Variants in PLAAT1 observed in about 807,000 individuals in gnomAD.
PLAAT1 encodes phospholipase A and acyltransferase 1, also known as H-REV107 protein-related protein.
PLAAT1 carries 13 observed loss-of-function variants against 16.4 expected under a neutral mutation model. The ratio of observed to expected loss-of-function variants is 0.79; its 90% CI spans 0.52 to 1.26. The LOEUF is 1.26. PLAAT1 is among the 50% of genes most tolerant of loss of function. The pLI is 0.00. For synonymous variants in PLAAT1, 73 were observed against 78.4 expected, an observed-to-expected ratio of 0.93 and a Z score of 0.36; for missense variants, 218 against 207.8, an observed-to-expected ratio of 1.05 and a Z score of -0.30.
In PLAAT1 at chr3:193,261,949, GAGA is replaced by G. The variant is rs147379649; in HGVS notation, c.140-1018_140-1016del. On this transcript the variant is annotated intron_variant, in intron 2 of 3. Transcript: ENST00000264735. ...TTCACTGGAACATCTCACATTCCGT[GAGA>G]AGGAGGACAGACAGAAGGATAGTGG... is the stretch of plus-strand genomic sequence containing the variant. 4.6e-3 allele frequency among the ~76,000 whole-genome samples: 693 copies of G among 152,300 alleles called. 27 individuals are homozygous for G. In the East Asian group the frequency reaches 0.094, roughly 21 times the overall value.
At chr3:193,253,258 T>G (rs1180869558) in intron 1 of PLAAT1, among the ~76,000 whole-genome samples, 1 of 152,218 alleles carries the variant, frequency 6.6e-6, no homozygotes, top group Non-Finnish European at 1.5e-5. Context: ...TTATTTCTCT[T>G]TATAAATATG....
chr3:193,270,179 GAGA>G (rs1481039323), intron 3 of PLAAT1, among the ~76,000 whole-genome samples: 2 of 151,998 alleles, frequency 1.3e-5, no homozygotes, highest in East Asian at 3.9e-4. Flanking sequence ...AGCTGCATAG[GAGA>G]AGAACGTGTG....
downstream of PLAAT1, among the ~76,000 whole-genome samples, chr3:193,272,355 A>G (rs917795603): frequency 1.9e-4 from 29 of 152,164 alleles, no homozygotes; most frequent in Non-Finnish European, 4.1e-4. Flanking sequence ...AGGCAGGAGA[A>G]TGGCGTGAAC....
intron 2 of PLAAT1, among the ~76,000 whole-genome samples, chr3:193,260,885 A>C (rs1416799014): frequency 6.6e-6 from 1 of 152,222 alleles, no homozygotes; most frequent in Non-Finnish European, 1.5e-5. Flanking sequence ...TACCAAGAAG[A>C]CACATGTACT....
chr3:193,269,697 A>G (rs1183836778), intron 3 of PLAAT1, among the ~76,000 whole-genome samples: 2 of 152,178 alleles, frequency 1.3e-5, no homozygotes, highest in Non-Finnish European at 2.9e-5. Context: ...GAGAACAAAT[A>G]TGTTTTCAGA....
intron 2 of PLAAT1, among the ~76,000 whole-genome samples, chr3:193,259,216 A>G (rs1475080992): frequency 6.6e-6 from 1 of 152,164 alleles, no homozygotes; most frequent in Non-Finnish European, 1.5e-5. Flanking sequence ...CCCTGAAGAG[A>G]ATAGGCATTG....
At position 193,255,719 on chromosome 3, in the gene PLAAT1, G is replaced by T; in HGVS notation, c.69G>T (p.Val23=). Residue 23 remains valine (V), a synonymous_variant, in exon 2 of 4, where the codon GTG becomes GTT. Transcript: ENST00000264735. Reference sequence around the variant, plus strand: ...CCTGCCCAGGGGACTTGATCGAAGTGTTCCGTCCTGGCTATCAGCACTGGG... The same window carrying T: ...CCTGCCCAGGGGACTTGATCGAAGTTTTCCGTCCTGGCTATCAGCACTGGG... ...GNPCPGDLIE[V]FRPGYQHWAL... is the part of the protein sequence containing the mutation. 2 of 1,613,408 alleles carry T rather than the reference G, an allele frequency of 1.2e-6. No homozygotes were observed. The highest frequency in any genetic ancestry group is 1.7e-5 in the Admixed American group (1 of 59,964).
At position 193,263,026 on chromosome 3, in the gene PLAAT1, G is replaced by C; in HGVS notation, c.196G>C (p.Val66Leu). ...GTCTGTATTCAGCAGTAAGGCCCTG[G>C]TGAAAATGCAGCTCTTGAAGGATGT... is the stretch of plus-strand genomic sequence containing the variant. ...AKSVFSSKAL[V>L]KMQLLKDVVG... Residue 66 changes from valine to leucine, a missense_variant, in exon 3 of 4, where the codon GTG (valine) becomes CTG (leucine). By Grantham distance (32) the Val-to-Leu change is conservative. Coordinates refer to ENST00000264735, the MANE Select transcript of PLAAT1 (RefSeq NM_020386.5). The C allele has an allele frequency of 6.2e-7, 1 of 1,614,174 alleles. No individual in the cohort carries two copies. The highest frequency in any genetic ancestry group is 8.5e-7 in the Non-Finnish European group (1 of 1,180,024).
At chr3:193,254,886 A>T (rs1716318255) in intron 1 of PLAAT1, among the ~76,000 whole-genome samples, 1 of 152,212 alleles carries the variant, frequency 6.6e-6, no homozygotes, top group Non-Finnish European at 1.5e-5. Flanking sequence ...ACTACACAGT[A>T]TAGTTTTAAA....
chr3:193,262,441 G>A (rs537769966), intron 2 of PLAAT1, among the ~76,000 whole-genome samples: 1 of 151,308 alleles, frequency 6.6e-6, no homozygotes, highest in Non-Finnish European at 1.5e-5. Flanking sequence ...TACCATGCGG[G>A]TTTCGGAATA....
chr3:193,268,548 G>A (rs1054912031), intron 3 of PLAAT1, among the ~76,000 whole-genome samples: 1 of 152,084 alleles, frequency 6.6e-6, no homozygotes, highest in African/African-American at 2.4e-5. Context: ...TGTTCATGTT[G>A]GTTCACCAAG....
chr3:193,270,398 C>T (rs1290389028), intron 3 of PLAAT1, among the ~76,000 whole-genome samples: 2 of 152,102 alleles, frequency 1.3e-5, no homozygotes, highest in East Asian at 1.9e-4. Flanking sequence ...CCCATGTGTA[C>T]GTATCTACAT....
chr3:193,273,666 C>A (rs1026601260), downstream of PLAAT1, among the ~76,000 whole-genome samples: 17 of 152,048 alleles, frequency 1.1e-4, no homozygotes, highest in African/African-American at 4.1e-4. Flanking sequence ...AAGGAAAGAC[C>A]AGTAGGTAAT....
intron 2 of PLAAT1, chr3:193,276,805 CT>C (rs756713330): frequency 1.9e-6 from 3 of 1,613,652 alleles, no homozygotes; most frequent in Non-Finnish European, 2.5e-6. Context: ...AATTAAAACC[CT>C]CCACGATGTT....
chr3:193,250,124 G>A (rs1303295125), intron 1 of PLAAT1, among the ~76,000 whole-genome samples: 1 of 152,144 alleles, frequency 6.6e-6, no homozygotes, highest in Non-Finnish European at 1.5e-5. Flanking sequence ...CTGGTCTTGT[G>A]TAGGAGATGT....
chr3:193,261,377 A>G (rs925787922), intron 2 of PLAAT1, among the ~76,000 whole-genome samples: 3 of 152,024 alleles, frequency 2.0e-5, no homozygotes, highest in Non-Finnish European at 4.4e-5. Flanking sequence ...AAAAAAAAAA[A>G]GTGTATGCAG....
At chr3:193,280,592 A>G (rs1192627242), downstream of PLAAT1, among the ~76,000 whole-genome samples, 1 of 152,042 alleles carries the variant, frequency 6.6e-6, no homozygotes, top group Non-Finnish European at 1.5e-5. Flanking sequence ...ATCCTGCCCA[A>G]ATTGTTTTAA....
chr3:193,271,907 T>A (rs1346511549), downstream of PLAAT1, among the ~76,000 whole-genome samples: 1 of 152,164 alleles, frequency 6.6e-6, no homozygotes, highest in Admixed American at 6.5e-5. Flanking sequence ...GAAGGAGTTG[T>A]GTGCTGCAGT....
At chr3:193,250,496 G>C (rs1369588350) in intron 1 of PLAAT1, among the ~76,000 whole-genome samples, 1 of 152,130 alleles carries the variant, frequency 6.6e-6, no homozygotes, top group Non-Finnish European at 1.5e-5. Context: ...AAAAAGCCAC[G>C]TTTTTGTTCT....
Sources: gnomAD v4.1 joint callset for allele counts (sites outside exome capture counted in the v4.1 genomes callset) on GRCh38, gnomAD v4.1.1 for gene constraint, MANE v1.5 for transcripts, NCBI Gene and HGNC (gene_info 2026-07-23, HGNC 2026-07-21) for gene names.